PRRC2A: variants seen among roughly 807,000 people sequenced by gnomAD.
PRRC2A encodes the protein protein PRRC2A.
A neutral mutation model predicts 224.6 loss-of-function variants in PRRC2A; 59 were observed. The observed-to-expected ratio is 0.26, with a 90% CI of 0.21 to 0.33. PRRC2A has a LOEUF of 0.33. Among genes scored for constraint, PRRC2A ranks in the 10% least tolerant of loss-of-function variants. The pLI is 1.00. For synonymous variants in PRRC2A, 1,194 were observed against 1,109.5 expected (o/e 1.08, Z -1.51); for missense variants, 3,095 against 2,880.7 (o/e 1.07, Z -1.70).
chr6:31,632,241 A>G lies in PRRC2A; in HGVS notation c.3568A>G (p.Lys1190Glu), dbSNP rs758809667. Residue 1190 changes from lysine to glutamate, a missense_variant, in exon 16 of 31, where the codon AAG (lysine) becomes GAG (glutamate). Physicochemically the swap from Lys to Glu is moderately conservative, Grantham distance 56. Coordinates refer to ENST00000376033, the MANE Select transcript of PRRC2A (RefSeq NM_004638.4). The stretch of plus-strand genomic sequence containing the variant: ...TTGCCCAGGCTGGAGCCCTCCAGCC[A>G]AGTCTCTGGCTCCCAAGAAACCTCC... The part of the protein sequence containing the change: ...QVCPGWSPPA[K>E]SLAPKKPPTG... 2.5e-6 allele frequency: 4 copies of G among 1,612,756 alleles called. No individual in the cohort carries two copies. The African/African-American group carries it at 5.3e-5, about 22-fold the overall frequency.
At chr6:31,635,353 T>C (rs1466072894) in intron 22 of PRRC2A, 41 bp from the exon 23 acceptor site, 1 of 1,613,854 alleles carries the variant, frequency 6.2e-7, no homozygotes, top group Non-Finnish European at 8.5e-7. Context: ...AGGACACATG[T>C]CTGTCACGGG....
At position 31,637,301 on chromosome 6, in the gene PRRC2A, C is replaced by G. The variant is rs763850535; in HGVS notation, c.6310C>G (p.Gln2104Glu). The part of the protein sequence containing the change: ...PSTYSGVFRT[Q>E]RVDLYQQASP... ...CACCTACAGTGGAGTCTTCCGCACC[C>G]AGCGCGTCGACCTTTACCAGCAGGT... Residue 2104 changes from glutamine to glutamate, a missense_variant, in exon 30 of 31, where the codon CAG becomes GAG. Physicochemically the swap from Gln to Glu is conservative, Grantham distance 29. Coordinates refer to ENST00000376033, the MANE Select transcript of PRRC2A (RefSeq NM_004638.4). The G allele has an allele frequency of 1.2e-6, 2 of 1,612,302 alleles. No individual in the cohort carries two copies. The highest frequency in any genetic ancestry group is 1.7e-6 in the Non-Finnish European group (2 of 1,179,412).
In PRRC2A at chr6:31,632,392, C is replaced by A; in HGVS notation, c.3719C>A (p.Pro1240His). ...SNVGMEDGER[P>H]RRRRHGRAQQ... ...GTGGGCATGGAAGATGGGGAGCGAC[C>A]CCGAAGGAGGCGACATGGGAGGGCT... is the stretch of plus-strand genomic sequence containing the variant. Residue 1240 changes from proline to histidine, a missense_variant, in exon 16 of 31, where the codon CCC becomes CAC. Transcript: ENST00000376033. 1 of 1,610,640 alleles carries A rather than the reference C, an allele frequency of 6.2e-7. No individual in the cohort carries two copies. The highest frequency in any genetic ancestry group is 8.5e-7 in the Non-Finnish European group (1 of 1,178,232).
intron 1 of PRRC2A, among the ~76,000 whole-genome samples, 193 bp downstream of exon 1, chr6:31,621,051 C>T (rs895489950): frequency 2.0e-5 from 3 of 152,224 alleles, no homozygotes; most frequent in African/African-American, 4.8e-5. Context: ...GGACCCGCAC[C>T]TCCGGCAGTT....
At position 31,629,244 on chromosome 6, in the gene PRRC2A, G is replaced by A. The variant is rs1365207265; in HGVS notation, c.1866G>A (p.Gly622=). Residue 622 remains glycine (G), a synonymous_variant, in exon 13 of 31, where the codon GGG becomes GGA. Coordinates refer to ENST00000376033, the MANE Select transcript of PRRC2A (RefSeq NM_004638.4). ...CAAAGGTGGAACCCAAGGGTGATGGGATTGGTCCCACCCGCCAGCCCCCTA... is the reference window on the plus strand; with the variant it reads ...CAAAGGTGGAACCCAAGGGTGATGGAATTGGTCCCACCCGCCAGCCCCCTA... ...PVPKVEPKGD[G]IGPTRQPPSQ... The A allele has an allele frequency of 6.2e-7, 1 of 1,613,540 alleles. No individual in the cohort carries two copies. Among genetic ancestry groups the A allele is most frequent in the Admixed American group, 1.7e-5 (1 of 59,906 alleles).
intron 16 of PRRC2A, 124 bp from the exon 17 acceptor site, chr6:31,633,255 G>A: frequency 7.2e-7 from 1 of 1,379,732 alleles, no homozygotes; most frequent in Non-Finnish European, 9.9e-7. Flanking sequence ...TCCTTAGAAG[G>A]ACTCAAAAAC....
chr6:31,624,150 T>TA (rs1233887408), intron 3 of PRRC2A, 111 bp from the exon 4 acceptor site: 13 of 1,199,440 alleles, frequency 1.1e-5, no homozygotes, highest in Non-Finnish European at 1.6e-5. Context: ...AATTTGTCCT[T>TA]ATATTTGTAA....
chr6:31,636,251 A>G lies in PRRC2A; in HGVS notation c.5667A>G (p.Ser1889=). The G allele has an allele frequency of 6.2e-7, 1 of 1,612,764 alleles. No individual in the cohort carries two copies. Among genetic ancestry groups the G allele is most frequent in the Non-Finnish European group, 8.5e-7 (1 of 1,179,866 alleles). The change falls in exon 26 of 31, where the codon TCA becomes TCG. Residue 1889 remains serine, a synonymous_variant. Transcript: ENST00000376033. This position sits in a 1 kb window ranked among gnomAD's most constrained non-coding sequence, Gnocchi z 4.3. ...LYLPPGPAPP[S]ALLSGLALKG... ...TACCCCCCGGCCCAGCCCCTCCCTC[A>G]GCACTGCTCTCTGGGTTAGCTCTCA...
chr6:31,632,234 T>G lies in PRRC2A; in HGVS notation c.3561T>G (p.Pro1187=), dbSNP rs754666563. 2 of 1,612,718 alleles carry G rather than the reference T, an allele frequency of 1.2e-6. No individual in the cohort carries two copies. Among genetic ancestry groups the G allele is most frequent in the Admixed American group, 1.7e-5 (1 of 59,986 alleles). Residue 1187 remains proline (P), a synonymous_variant, in exon 16 of 31, where the codon CCT becomes CCG. Coordinates refer to ENST00000376033, the MANE Select transcript of PRRC2A (RefSeq NM_004638.4). ...PPPQVCPGWS[P]PAKSLAPKKP... ...CTCAAGTTTGCCCAGGCTGGAGCCC[T>G]CCAGCCAAGTCTCTGGCTCCCAAGA...
Position 31,622,744 on chromosome 6 carries a change from G to A in PRRC2A, c.-46G>A. On this transcript the variant is annotated 5_prime_UTR_variant, in exon 2 of 31. Coordinates refer to ENST00000376033, the MANE Select transcript of PRRC2A (RefSeq NM_004638.4). ...GCCCACAGGCTCTGGCACGTTTTGG[G>A]GGAGGTGCCTGCAGGACCCAACATA... is the stretch of plus-strand genomic sequence containing the variant. The A allele has an allele frequency of 1.4e-6, 2 of 1,465,442 alleles. No individual in the cohort carries two copies. Among genetic ancestry groups the A allele is most frequent in the African/African-American group, 1.4e-5 (1 of 71,466 alleles). 90.8% of individuals were successfully genotyped at this position (1,465,442 alleles called of 1,614,324 possible).
rs762598616 is a variant in PRRC2A, at chr6:31,631,260, C to T, written c.2587C>T (p.Pro863Ser). The change falls in exon 16 of 31, where the codon CCA becomes TCA. Residue 863 changes from proline (P) to serine (S), a missense_variant. Pro to Ser is a moderately conservative substitution (Grantham distance 74, BLOSUM62 -1). Transcript: ENST00000376033. This position sits in a 1 kb window ranked among gnomAD's most constrained non-coding sequence, Gnocchi z 4.5. ...RFPLEEPGPRPLPWPPGSDEV... is the reference protein window; with the variant it reads ...RFPLEEPGPRSLPWPPGSDEV... ...TCCTCTGGAGGAACCAGGGCCCCGT[C>T]CACTCCCCTGGCCCCCAGGCAGTGA... 3.7e-6 allele frequency: 6 copies of T among 1,612,436 alleles called. No individual in the cohort carries two copies. Among genetic ancestry groups the T allele is most frequent in the Non-Finnish European group, 4.2e-6 (5 of 1,179,824 alleles).
rs1777148621 is a variant in PRRC2A at position 31,634,993 on chromosome 6, A to T, written c.5160+16A>T. On this transcript the variant is annotated intron_variant, in intron 21 of 30. Transcript: ENST00000376033. Reference sequence around the variant, plus strand: ...GGACAGAAAGGTAAAAGACCAAAAAAGGATAAGGGGAATGTTTCCAGGAAT... The same window carrying T: ...GGACAGAAAGGTAAAAGACCAAAAATGGATAAGGGGAATGTTTCCAGGAAT... 2 of 1,608,802 alleles carry T rather than the reference A, an allele frequency of 1.2e-6. No individual in the cohort carries two copies. The highest frequency in any genetic ancestry group is 1.7e-6 in the Non-Finnish European group (2 of 1,176,846).
rs1417099004 is a variant in PRRC2A, at chr6:31,637,432, T to C, written c.6334-14T>C. 4.4e-6 allele frequency: 7 copies of C among 1,592,340 alleles called. No individual in the cohort carries two copies. Among genetic ancestry groups the C allele is most frequent in the Non-Finnish European group, 6.0e-6 (7 of 1,167,232 alleles). On this transcript the variant is annotated splice_polypyrimidine_tract_variant and intron_variant, in intron 30 of 30. Coordinates refer to ENST00000376033, the MANE Select transcript of PRRC2A (RefSeq NM_004638.4). ...TCACTGTGACTCACTGTTTAACACA[T>C]GCCTGTCCCCTAGGCCTCCCCACCA...
intron 1 of PRRC2A, 67 bp from the exon 2 acceptor site, chr6:31,622,623 G>T: frequency 3.4e-6 from 2 of 583,428 alleles, no homozygotes; most frequent in Non-Finnish European, 6.0e-6. Context: ...GACACCAGAG[G>T]GCCTCATATC....
rs1776495010 is a variant in PRRC2A, at chr6:31,631,061, A to G, written c.2466-78A>G. The G allele has an allele frequency of 3.7e-6, 5 of 1,365,640 alleles. No individual in the cohort carries two copies. The highest frequency in any genetic ancestry group is 4.6e-5 in the East Asian group (2 of 43,194). 84.6% of individuals were successfully genotyped at this position (1,365,640 alleles called of 1,614,324 possible). ...AAAATAGTAAAAGAGAGTCTGCATC[A>G]TAATAAAGTGTTCTTTTCCCACCTA... is the stretch of plus-strand genomic sequence containing the variant. On this transcript the variant is annotated intron_variant, in intron 15 of 30. Transcript: ENST00000376033. This position sits in a 1 kb window ranked among gnomAD's most constrained non-coding sequence, Gnocchi z 4.5.
rs1422532278 is a variant in PRRC2A, at chr6:31,625,484, G to T, written c.632G>T (p.Gly211Val). Residue 211 changes from glycine (G) to valine (V), a missense_variant, in exon 7 of 31, where the codon GGT (glycine) becomes GTT (valine). Transcript: ENST00000376033. The surrounding 1 kb of genome is among the most constrained non-coding windows in gnomAD (Gnocchi z 4.1). Reference sequence around the variant, plus strand: ...GATTCTACAACTTGGAGGGACGGAGGTGGGCGTGGCCCTGATGAGCTGGAG... The same window carrying T: ...GATTCTACAACTTGGAGGGACGGAGTTGGGCGTGGCCCTGATGAGCTGGAG... ...PQNSTTWRDGGGRGPDELEGP... is the reference protein window; with the variant it reads ...PQNSTTWRDGVGRGPDELEGP... 1 of 1,590,884 alleles carries T rather than the reference G, an allele frequency of 6.3e-7. No individual in the cohort carries two copies. The highest frequency in any genetic ancestry group is 8.6e-7 in the Non-Finnish European group (1 of 1,164,828).
Position 31,630,695 on chromosome 6 carries a change from C to G in PRRC2A, c.2359C>G (p.Pro787Ala), listed in dbSNP as rs1299514928. 6.2e-7 allele frequency: 1 copy of G among 1,614,140 alleles called. No homozygotes were observed. The highest frequency in any genetic ancestry group is 8.5e-7 in the Non-Finnish European group (1 of 1,180,018). The change falls in exon 15 of 31, where the codon CCA (proline) becomes GCA (alanine). Residue 787 changes from proline to alanine, a missense_variant. Transcript: ENST00000376033. ...GGAACGGGGCACTCCACCGGTGGAT[C>G]CAAAGTTGGCCTGGGTAGGAGATGT... Reference protein sequence around the residue: ...LRERGTPPVDPKLAWVGDVFT... With the variant: ...LRERGTPPVDAKLAWVGDVFT...
intron 2 of PRRC2A, chr6:31,623,257 AGAT>A: frequency 2.4e-6 from 1 of 418,930 alleles, no homozygotes; most frequent in Non-Finnish European, 4.3e-6. Flanking sequence ...GGGATTTCAT[AGAT>A]TTTTTTTTTT....
At position 31,637,123 on chromosome 6, in the gene PRRC2A, C is replaced by T; in HGVS notation, c.6229C>T (p.Pro2077Ser). The change falls in exon 29 of 31, where the codon CCC becomes TCC. Residue 2077 changes from proline to serine, a missense_variant. This residue lies in a region of PRRC2A where 662 missense variants were observed against 609.5 expected (regional missense o/e 1.09). Transcript: ENST00000376033. ...TGGGGGACCTGGATCATCACGGACT[C>T]CCCCAACTGGAAGGTGAAACGGAAT... ...NLGGPGSSRTPPTGRSFSGLN... is the reference protein window; with the variant it reads ...NLGGPGSSRTSPTGRSFSGLN... 1 of 1,610,828 alleles carries T rather than the reference C, an allele frequency of 6.2e-7. No individual in the cohort carries two copies. The highest frequency in any genetic ancestry group is 8.5e-7 in the Non-Finnish European group (1 of 1,178,748).
Sources: gnomAD v4.1 joint callset for allele counts (sites outside exome capture counted in the v4.1 genomes callset) on GRCh38, gnomAD v4.1.1 for gene constraint, gnomAD v4.1.1 regional missense constraint, Gnocchi (gnomAD v3.1) non-coding constraint, MANE v1.5 for transcripts, NCBI Gene and HGNC (gene_info 2026-07-23, HGNC 2026-07-21) for gene names.